The following EPM2A variants were observed in gnomAD, a reference collection of about 807,000 sequenced individuals.
The protein encoded by EPM2A is laforin.
In EPM2A, 21 loss-of-function variants were observed where a neutral mutation model predicts 26.5. The ratio of observed to expected loss-of-function variants is 0.79; its 90% CI spans 0.56 to 1.14. The LOEUF (loss-of-function observed/expected upper bound fraction) is 1.14. EPM2A is among the 50% of genes most tolerant of loss of function. The pLI is 0.00. For synonymous variants in EPM2A, 217 were observed against 177.6 expected (o/e 1.22, Z -1.76); for missense variants, 458 against 440.8 (o/e 1.04, Z -0.35).
chr6:145,616,233 A>C (rs939772431), intron 2 of EPM2A, among the ~76,000 whole-genome samples: 5 of 152,252 alleles, frequency 3.3e-5, no homozygotes, highest in Admixed American at 3.3e-4. Flanking sequence ...GCCATGGCTG[A>C]AAGGGGCCAA....
At chr6:145,664,636 T>C (rs1269321853) in intron 2 of EPM2A, among the ~76,000 whole-genome samples, 1 of 151,940 alleles carries the variant, frequency 6.6e-6, no homozygotes, top group Admixed American at 6.6e-5. Flanking sequence ...TACCCAGGAA[T>C]TGAACTCAGC....
intron 3 of EPM2A, chr6:145,631,228 C>T (rs1776228479): frequency 6.6e-6 from 1 of 151,830 alleles, no homozygotes; most frequent in East Asian, 1.9e-4. Context: ...AAAGAGGGTC[C>T]CCAGGAAGGT....
At chr6:145,584,197 G>C (rs1488072594) in intron 2 of EPM2A, among the ~76,000 whole-genome samples, 1 of 152,062 alleles carries the variant, frequency 6.6e-6, no homozygotes, top group African/African-American at 2.4e-5. Context: ...AGTGGAGTGG[G>C]GAAGGCTGCA....
intron 2 of EPM2A, among the ~76,000 whole-genome samples, chr6:145,662,811 C>A (rs1274467499): frequency 1.3e-5 from 2 of 152,128 alleles, no homozygotes; most frequent in Non-Finnish European, 2.9e-5. Context: ...TAGCTGGGTT[C>A]TTTGCTAAAA....
At chr6:145,393,077 G>C (rs1334322628) in intron 4 of EPM2A, among the ~76,000 whole-genome samples, 1 of 151,718 alleles carries the variant, frequency 6.6e-6, no homozygotes, top group African/African-American at 2.4e-5. Flanking sequence ...TTTTCTTTCA[G>C]GTCTCAATGA....
intron 2 of EPM2A, among the ~76,000 whole-genome samples, chr6:145,582,807 G>C (rs1781133505): frequency 6.6e-6 from 1 of 152,026 alleles, no homozygotes; most frequent in Non-Finnish European, 1.5e-5. Context: ...CATAGATTTG[G>C]TCTGTTTACA....
chr6:145,436,858 A>G (rs1417399417), intron 4 of EPM2A, among the ~76,000 whole-genome samples: 1 of 151,342 alleles, frequency 6.6e-6, no homozygotes, highest in African/African-American at 2.4e-5. Context: ...TAAAGTTTCT[A>G]TTTGTTTTTT....
In EPM2A at chr6:145,725,764, T is replaced by C. The variant is rs1301278648; in HGVS notation, c.301+9434A>G. 4.6e-5 allele frequency among the ~76,000 whole-genome samples: 7 copies of C among 151,430 alleles called. No homozygotes were observed. The South Asian group carries it at 1.5e-3, about 32-fold the overall frequency. On this transcript the variant is annotated intron_variant, in intron 1 of 3. Transcript: ENST00000367519. ...CAGTGGTTGCCAAGGGTTTGAGGAG[T>C]GGGAAGGGTTGAATAGACAAAAGAC...
chr6:145,709,306 C>G (rs1015084375), intron 1 of EPM2A, among the ~76,000 whole-genome samples: 4 of 152,112 alleles, frequency 2.6e-5, no homozygotes, highest in African/African-American at 9.7e-5. Context: ...GTGTCCCCAC[C>G]CAAATCTTAT....
chr6:145,653,774 T>C (rs1194309579), intron 2 of EPM2A, among the ~76,000 whole-genome samples: 1 of 152,184 alleles, frequency 6.6e-6, no homozygotes, highest in East Asian at 1.9e-4. Flanking sequence ...CTTCAACCGA[T>C]TGAGTGAAGC....
At chr6:145,474,802 G>T (rs1468140295) in intron 4 of EPM2A, among the ~76,000 whole-genome samples, 1 of 152,046 alleles carries the variant, frequency 6.6e-6, no homozygotes, top group Non-Finnish European at 1.5e-5. Context: ...ATCAAAAAGT[G>T]GGCAAAGGAT....
chr6:145,437,661 A>T (rs888926661), intron 4 of EPM2A, among the ~76,000 whole-genome samples: 1 of 152,214 alleles, frequency 6.6e-6, no homozygotes, highest in Non-Finnish European at 1.5e-5. Flanking sequence ...CTCTTTCTCC[A>T]TAAAACATTA....
chr6:145,413,332 C>A (rs1778667588), intron 4 of EPM2A, among the ~76,000 whole-genome samples: 1 of 152,058 alleles, frequency 6.6e-6, no homozygotes, highest in African/African-American at 2.4e-5. Context: ...TTCACAAGGG[C>A]CATTAAAGGT....
chr6:145,478,961 G>A (rs532663907), intron 4 of EPM2A, among the ~76,000 whole-genome samples: 33 of 151,322 alleles, frequency 2.2e-4, no homozygotes, highest in African/African-American at 5.8e-4. Flanking sequence ...TGTACTTTTC[G>A]CTTGATTTGT....
intron 4 of EPM2A, among the ~76,000 whole-genome samples, chr6:145,391,713 C>A (rs902294235): frequency 6.6e-6 from 1 of 152,194 alleles, no homozygotes; most frequent in African/African-American, 2.4e-5. Context: ...GATTTTGTGA[C>A]AGATCCCTAG....
chr6:145,508,427 C>T (rs1051292048), intron 2 of EPM2A, among the ~76,000 whole-genome samples: 5 of 152,202 alleles, frequency 3.3e-5, no homozygotes, highest in Admixed American at 6.5e-5. Flanking sequence ...TAAATCACTA[C>T]AACAATAAAC....
At chr6:145,711,220 TATA>T (rs1775301391) in intron 1 of EPM2A, among the ~76,000 whole-genome samples, 1 of 152,182 alleles carries the variant, frequency 6.6e-6, no homozygotes, top group African/African-American at 2.4e-5. Flanking sequence ...CTGGGGAAAT[TATA>T]AAGTTTGTAT....
intron 3 of EPM2A, chr6:145,628,789 G>C (rs928791620): frequency 6.6e-6 from 1 of 152,218 alleles, no homozygotes; most frequent in African/African-American, 2.4e-5. Context: ...TTCACCTGGG[G>C]ATCTGCCGTG....
At chr6:145,586,724 C>T (rs1436343398) in intron 2 of EPM2A, among the ~76,000 whole-genome samples, 1 of 152,106 alleles carries the variant, frequency 6.6e-6, no homozygotes, top group Non-Finnish European at 1.5e-5. Context: ...ATAGTAGTTT[C>T]CAAGCATCCT....
Sources: allele counts gnomAD v4.1 joint callset (sites outside exome capture counted in the v4.1 genomes callset), GRCh38; gene constraint gnomAD v4.1.1; transcripts MANE v1.5; gene names NCBI Gene and HGNC (gene_info 2026-07-23, HGNC 2026-07-21).